The following PRR16 variants were observed in gnomAD, a reference collection of about 807,000 sequenced individuals.
PRR16 encodes the protein proline rich 16.
A neutral mutation model predicts 18.2 loss-of-function variants in PRR16; 6 were observed. That is an observed-to-expected ratio of 0.33 (90% CI 0.18 to 0.65). The LOEUF (loss-of-function observed/expected upper bound fraction) is 0.65, where lower values mean the gene tolerates loss of function less well. Among genes scored for constraint, PRR16 ranks in the 30% least tolerant of loss-of-function variants. The probability of loss-of-function intolerance (pLI) is 0.74; values close to 1 mark genes in which losing one functional copy is unlikely to be tolerated. For synonymous variants in PRR16, 151 were observed against 147.8 expected, an observed-to-expected ratio of 1.02 and a Z score of -0.16; for missense variants, 412 against 376.6, an observed-to-expected ratio of 1.09 and a Z score of -0.78.
the PRR16 span, among the ~76,000 whole-genome samples, chr5:120,733,169 A>T: frequency 6.6e-6 from 1 of 152,108 alleles, no homozygotes; most frequent in South Asian, 2.1e-4. Flanking sequence ...TTTTTGAGAC[A>T]GAGTCTTGTT....
the PRR16 span, among the ~76,000 whole-genome samples, chr5:120,754,682 ATT>A: frequency 1.4e-5 from 2 of 139,276 alleles, no homozygotes; most frequent in East Asian, 2.0e-4. Flanking sequence ...TTTTAGAAAT[ATT>A]GTTTTCTTCC....
intron 1 of PRR16, among the ~76,000 whole-genome samples, chr5:120,576,496 G>A (rs989685450): frequency 1.3e-5 from 2 of 152,072 alleles, no homozygotes; most frequent in Non-Finnish European, 2.9e-5. Context: ...AACGGCCACT[G>A]TCCTAAAATT....
intron 1 of PRR16, among the ~76,000 whole-genome samples, chr5:120,665,026 C>A (rs1388969764): frequency 2.0e-5 from 3 of 150,432 alleles, no homozygotes; most frequent in Non-Finnish European, 3.0e-5. Context: ...CCTGAGGAAT[C>A]GCCACACTGA....
chr5:120,466,430 A>C (rs1749108934), intron 1 of PRR16, among the ~76,000 whole-genome samples: 2 of 152,332 alleles, frequency 1.3e-5, no homozygotes, highest in South Asian at 4.2e-4. Flanking sequence ...TGAGACTAAA[A>C]GAAAGGTAGT....
chr5:120,621,152 C>A (rs574980744), intron 1 of PRR16, among the ~76,000 whole-genome samples: 8 of 152,202 alleles, frequency 5.3e-5, no homozygotes, highest in East Asian at 1.9e-4. Flanking sequence ...AATTAGACTG[C>A]CCTTATATGA....
chr5:120,491,252 C>T (rs1370398634), intron 1 of PRR16, among the ~76,000 whole-genome samples: 1 of 152,032 alleles, frequency 6.6e-6, no homozygotes, highest in Non-Finnish European at 1.5e-5. Flanking sequence ...CATGAGAAGT[C>T]ACTGGAAAAG....
chr5:120,666,523 C>G (rs1474024978), intron 1 of PRR16, among the ~76,000 whole-genome samples: 1 of 151,786 alleles, frequency 6.6e-6, no homozygotes, highest in African/African-American at 2.4e-5. Context: ...GAGAGGGCAT[C>G]CCTGTCTTGT....
At chr5:120,479,617 GA>G (rs1360735173) in intron 1 of PRR16, among the ~76,000 whole-genome samples, 2 of 151,782 alleles carry the variant, frequency 1.3e-5, no homozygotes, top group Non-Finnish European at 2.9e-5. Flanking sequence ...ATGAGTCAAA[GA>G]AAAAATATAT....
chr5:120,595,552 G>A (rs1269957461), intron 1 of PRR16, among the ~76,000 whole-genome samples: 1 of 151,884 alleles, frequency 6.6e-6, no homozygotes, highest in South Asian at 2.1e-4. Flanking sequence ...ATTTATGAGG[G>A]AGAAGATTAG....
intron 1 of PRR16, among the ~76,000 whole-genome samples, chr5:120,484,380 T>C (rs1440374324): frequency 7.5e-5 from 11 of 146,050 alleles, no homozygotes; most frequent in African/African-American, 2.5e-4. Flanking sequence ...ATGAATATTA[T>C]ATATATCATT....
chr5:120,606,307 G>A (rs892326867), intron 1 of PRR16, among the ~76,000 whole-genome samples: 3 of 152,176 alleles, frequency 2.0e-5, no homozygotes, highest in Non-Finnish European at 4.4e-5. Context: ...AAACAGAGCA[G>A]TAGGCATCCA....
At chr5:120,545,085 G>A (rs540309821) in intron 1 of PRR16, among the ~76,000 whole-genome samples, 1 of 152,170 alleles carries the variant, frequency 6.6e-6, no homozygotes, top group South Asian at 2.1e-4. Context: ...TGAGCACAGA[G>A]GTAGGAGAGA....
chr5:120,654,189 C>G (rs1755888759), intron 1 of PRR16, among the ~76,000 whole-genome samples: 1 of 152,004 alleles, frequency 6.6e-6, no homozygotes. Context: ...GGAATGCAGA[C>G]ATGATGGCTG....
chr5:120,530,287 AT>A (rs1180386137), intron 1 of PRR16, among the ~76,000 whole-genome samples: 2 of 132,362 alleles, frequency 1.5e-5, no homozygotes, highest in African/African-American at 5.9e-5. Context: ...ATATATATTT[AT>A]TTATTTATTT....
chr5:120,666,198 G>T (rs2150142253), intron 1 of PRR16, among the ~76,000 whole-genome samples: 1 of 152,162 alleles, frequency 6.6e-6, no homozygotes, highest in East Asian at 1.9e-4. Flanking sequence ...GGATTCCTAG[G>T]TATTTTATTC....
At position 120,668,742 on chromosome 5, in the gene PRR16, A is replaced by G. The variant is rs539075833; in HGVS notation, c.160-17212A>G. On this transcript the variant is annotated intron_variant, in intron 1 of 1. Coordinates refer to ENST00000407149, the MANE Select transcript of PRR16 (RefSeq NM_001300783.2). ...TTAGTTTGGCTGGATATGAAATTCT[A>G]GGTTGAAAATTCTTTTCTTTAAGAA... Among the ~76,000 whole-genome samples, 154 of 152,170 alleles carry G rather than the reference A, an allele frequency of 1.0e-3. 1 individual carries two copies. Among genetic ancestry groups the G allele is most frequent in the Admixed American group, 2.2e-3 (33 of 15,270 alleles).
chr5:120,764,462 G>A, the PRR16 span, among the ~76,000 whole-genome samples: 1 of 151,730 alleles, frequency 6.6e-6, no homozygotes, highest in Non-Finnish European at 1.5e-5. Flanking sequence ...TACTTTGCTA[G>A]TATTTTGTTG....
rs554321181 is a variant in PRR16, at chr5:120,613,541, C to T, written c.160-72413C>T. The stretch of plus-strand genomic sequence containing the variant: ...GGCTTCCATTTGGGAAAAAATAGAA[C>T]ATAATAAAAATTTTTAGTATTTTAT... On this transcript the variant is annotated intron_variant, in intron 1 of 1. Transcript: ENST00000407149. 1.5e-4 allele frequency among the ~76,000 whole-genome samples: 23 copies of T among 152,032 alleles called. No homozygotes were observed. In the East Asian group the frequency reaches 3.3e-3, roughly 22 times the overall value.
At chr5:120,635,497 A>C (rs987735080) in intron 1 of PRR16, among the ~76,000 whole-genome samples, 2 of 152,190 alleles carry the variant, frequency 1.3e-5, no homozygotes, top group Non-Finnish European at 2.9e-5. Flanking sequence ...ACACCACATA[A>C]ACAGAATTAA....
Sources: allele counts gnomAD v4.1 joint callset (sites outside exome capture counted in the v4.1 genomes callset), GRCh38; gene constraint gnomAD v4.1.1; transcripts MANE v1.5; gene names NCBI Gene and HGNC (gene_info 2026-07-23, HGNC 2026-07-21).